Variants in CDKAL1 observed in about 807,000 individuals in gnomAD.
The protein encoded by CDKAL1 is threonylcarbamoyladenosine tRNA methylthiotransferase.
Under a neutral mutation model 68.2 loss-of-function variants are expected in CDKAL1, and 32 were observed. That is an observed-to-expected ratio of 0.47 (90% CI 0.35 to 0.63). The LOEUF (loss-of-function observed/expected upper bound fraction) is 0.63. Among genes scored for constraint, CDKAL1 ranks in the 30% least tolerant of loss-of-function variants. The pLI, the probability that CDKAL1 is intolerant of heterozygous loss-of-function variation, is 0.00. For missense variants in CDKAL1, 606 were observed against 696.7 expected, an observed-to-expected ratio of 0.87 and a Z score of 1.47; for synonymous variants, 234 against 244.3, an observed-to-expected ratio of 0.96 and a Z score of 0.39.
intron 12 of CDKAL1, among the ~76,000 whole-genome samples, chr6:21,104,745 T>C (rs1319134619): frequency 6.6e-6 from 1 of 152,228 alleles, no homozygotes; most frequent in Non-Finnish European, 1.5e-5. Flanking sequence ...CATTGTTTCT[T>C]TACTGGTTCT....
chr6:20,830,450 G>T (rs567198131), intron 8 of CDKAL1, among the ~76,000 whole-genome samples: 1 of 149,644 alleles, frequency 6.7e-6, no homozygotes, highest in Middle Eastern at 3.5e-3. Context: ...TAAAGAATTT[G>T]TATGATATGT....
At chr6:21,180,554 C>T (rs535346221) in intron 13 of CDKAL1, among the ~76,000 whole-genome samples, 2 of 152,200 alleles carry the variant, frequency 1.3e-5, no homozygotes, top group Admixed American at 6.5e-5. Context: ...CTCAGAGGGA[C>T]ACCACCTGAA....
At chr6:20,954,657 A>AG (rs139630316) in intron 9 of CDKAL1, among the ~76,000 whole-genome samples, 3,474 of 152,278 alleles carry the variant, frequency 0.023, 136 homozygotes, top group African/African-American at 0.078. Context: ...AAATAACATG[A>AG]GGGGGATCCC....
At chr6:20,845,985 G>A (rs1778360729) in intron 8 of CDKAL1, 90 bp from the exon 9 acceptor site, 2 of 720,298 alleles carry the variant, frequency 2.8e-6, no homozygotes, top group Non-Finnish European at 4.6e-6. Context: ...TTCTGAAAGA[G>A]CACTTTTGTG....
chr6:20,627,150 G>A (rs1229634482), intron 4 of CDKAL1, among the ~76,000 whole-genome samples: 5 of 152,100 alleles, frequency 3.3e-5, no homozygotes, highest in African/African-American at 1.2e-4. Flanking sequence ...CTACTTCAAA[G>A]TCCAGAATGT....
intron 10 of CDKAL1, among the ~76,000 whole-genome samples, chr6:20,979,696 T>C (rs1766013625): frequency 6.6e-6 from 1 of 152,048 alleles, no homozygotes; most frequent in Admixed American, 6.6e-5. Flanking sequence ...TGAGTGGTAT[T>C]GACACTTTTG....
chr6:21,000,099 A>C (rs1313002572), intron 10 of CDKAL1, 128 bp from the exon 11 acceptor site: 2 of 626,988 alleles, frequency 3.2e-6, no homozygotes, highest in Non-Finnish European at 5.5e-6. Flanking sequence ...TGTTCACTTT[A>C]AGAGCCTTGA....
chr6:21,074,027 C>T (rs1257778396), intron 12 of CDKAL1, among the ~76,000 whole-genome samples: 1 of 152,140 alleles, frequency 6.6e-6, no homozygotes, highest in East Asian at 1.9e-4. Context: ...CACTGTTGTT[C>T]TTCTCATGCA....
chr6:20,780,152 A>G (rs1307602840), intron 7 of CDKAL1, among the ~76,000 whole-genome samples: 1 of 151,902 alleles, frequency 6.6e-6, no homozygotes, highest in Non-Finnish European at 1.5e-5. Context: ...ATAGAAAGAA[A>G]AAATGACAAA....
At chr6:20,728,589 A>G (rs937264115) in intron 5 of CDKAL1, among the ~76,000 whole-genome samples, 4 of 152,232 alleles carry the variant, frequency 2.6e-5, no homozygotes, top group Non-Finnish European at 5.9e-5. Context: ...AAGGACAGTG[A>G]TAGATGATTT....
intron 9 of CDKAL1, among the ~76,000 whole-genome samples, chr6:20,846,410 A>G (rs1156696971): frequency 6.6e-6 from 1 of 152,184 alleles, no homozygotes. Flanking sequence ...GGTAAATGAC[A>G]TATTTTGAAC....
intron 13 of CDKAL1, among the ~76,000 whole-genome samples, chr6:21,140,778 T>C (rs1374160920): frequency 6.6e-6 from 1 of 152,128 alleles, no homozygotes; most frequent in Admixed American, 6.5e-5. Context: ...TTGCTATGTG[T>C]ATTAGTCCGT....
chr6:21,222,714 G>C (rs1779581351), intron 15 of CDKAL1, among the ~76,000 whole-genome samples: 1 of 152,094 alleles, frequency 6.6e-6, no homozygotes, highest in African/African-American at 2.4e-5. Flanking sequence ...GGGTTGTCTT[G>C]TCAATTCAAG....
intron 10 of CDKAL1, among the ~76,000 whole-genome samples, chr6:20,996,749 A>G (rs995896832): frequency 1.3e-5 from 2 of 152,346 alleles, no homozygotes; most frequent in African/African-American, 4.8e-5. Flanking sequence ...TGCTGTTGAA[A>G]AAATTTGCCA....
chr6:20,732,263 C>CTTTCTTTCTTTTTTTT (rs1457615376), intron 5 of CDKAL1, among the ~76,000 whole-genome samples: 1 of 83,486 alleles, frequency 1.2e-5, no homozygotes, highest in Non-Finnish European at 2.2e-5. Flanking sequence ...TTCTTTCTTT[C>CTTTCTTTCTTTTTTTT]TTTTTTTTTT....
At chr6:20,860,106 C>G (rs1020820531) in intron 9 of CDKAL1, among the ~76,000 whole-genome samples, 1 of 152,104 alleles carries the variant, frequency 6.6e-6, no homozygotes, top group African/African-American at 2.4e-5. Flanking sequence ...GAGATGGAGT[C>G]TCGCTTTGTT....
chr6:20,971,125 G>A (rs1330886524), intron 10 of CDKAL1, among the ~76,000 whole-genome samples: 2 of 152,182 alleles, frequency 1.3e-5, no homozygotes, highest in African/African-American at 4.8e-5. Context: ...GGGATTACAG[G>A]CATGAGCCCA....
chr6:21,166,454 C>T (rs1777157870), intron 13 of CDKAL1, among the ~76,000 whole-genome samples: 1 of 152,186 alleles, frequency 6.6e-6, no homozygotes, highest in South Asian at 2.1e-4. Flanking sequence ...TCATACATAA[C>T]ATGCCAGGCA....
chr6:21,201,067 G>A (rs374766056), intron 14 of CDKAL1, 43 bp from the exon 15 acceptor site: 28 of 1,543,980 alleles, frequency 1.8e-5, no homozygotes, highest in Non-Finnish European at 2.4e-5. Flanking sequence ...AAAGTAAAAT[G>A]TTTATTTTTA....
Sources: gnomAD v4.1 joint callset for allele counts (sites outside exome capture counted in the v4.1 genomes callset) on GRCh38, gnomAD v4.1.1 for gene constraint, MANE v1.5 for transcripts, NCBI Gene and HGNC (gene_info 2026-07-23, HGNC 2026-07-21) for gene names.